GPR161: variants seen among roughly 807,000 people sequenced by gnomAD.
GPR161 encodes G-protein coupled receptor RE2.
Under a neutral mutation model 39.2 loss-of-function variants are expected in GPR161, and 25 were observed. The observed-to-expected ratio is 0.64, with a 90% CI of 0.47 to 0.89. GPR161 has a LOEUF of 0.89. Among genes scored for constraint, GPR161 ranks in the 40% least tolerant of loss-of-function variants. The pLI, the probability that GPR161 is intolerant of heterozygous loss-of-function variation, is 0.00. For missense variants in GPR161, 547 were observed against 677.8 expected (o/e 0.81, Z 2.14); for synonymous variants, 286 against 276.6 (o/e 1.03, Z -0.34).
rs1163651728 is a variant in GPR161 at position 168,082,906 on chromosome 1, C to T, written c.*2625G>A. On this transcript the variant is annotated 3_prime_UTR_variant, in exon 6 of 6. Transcript: ENST00000682931. ...TTCCTTCTCCCCCACACCCCCTTCT[C>T]TCTTTCTCTCTAGCTGAATAAAGGC... 6.6e-6 allele frequency: 1 copy of T among 152,310 alleles called. No individual in the cohort carries two copies. The highest frequency in any genetic ancestry group is 2.4e-5 in the African/African-American group (1 of 41,454). The allele number at this position is 152,310 out of a possible 1,614,324, so 9.4% of individuals were successfully genotyped here.
chr1:168,085,177 T>C lies in GPR161; in HGVS notation c.*354A>G, dbSNP rs575911565. 2 of 442,080 alleles carry C rather than the reference T, an allele frequency of 4.5e-6. No individual in the cohort carries two copies. Among genetic ancestry groups the C allele is most frequent in the South Asian group, 3.6e-5 (2 of 55,090 alleles). The allele number at this position is 442,080 out of a possible 1,614,324, so 27.4% of individuals were successfully genotyped here. ...ACTGTGAAGAGGAGGAAATGATGCA[T>C]GTGGGGGTCTCCTTCCAAGCCCTTC... On this transcript the variant is annotated 3_prime_UTR_variant, in exon 6 of 6. Transcript: ENST00000682931.
At chr1:168,125,698 A>G (rs1487570916) in intron 1 of GPR161, among the ~76,000 whole-genome samples, 1 of 150,852 alleles carries the variant, frequency 6.6e-6, no homozygotes, top group African/African-American at 2.4e-5. Context: ...GCTCACTGCA[A>G]TCTCCACCTC....
At chr1:168,123,723 A>G (rs1017637084) in intron 1 of GPR161, among the ~76,000 whole-genome samples, 1 of 152,204 alleles carries the variant, frequency 6.6e-6, no homozygotes, top group Non-Finnish European at 1.5e-5. Flanking sequence ...CTCAAAGTCA[A>G]TGCTTGAAGG....
chr1:168,110,475 G>C (rs2102193899), intron 1 of GPR161, among the ~76,000 whole-genome samples: 1 of 135,762 alleles, frequency 7.4e-6, no homozygotes, highest in Non-Finnish European at 1.5e-5. Context: ...CTCCAGCCTA[G>C]ACGACAGAGT....
chr1:168,126,782 A>G (rs1451006423), intron 1 of GPR161, among the ~76,000 whole-genome samples: 1 of 152,172 alleles, frequency 6.6e-6, no homozygotes, highest in Admixed American at 6.5e-5. Flanking sequence ...TTAGGTGAGG[A>G]TGTTTTCCCT....
At chr1:168,102,408 C>T (rs1175667735) in intron 2 of GPR161, among the ~76,000 whole-genome samples, 2 of 152,220 alleles carry the variant, frequency 1.3e-5, no homozygotes, top group Non-Finnish European at 2.9e-5. Context: ...GCCTCTGCCA[C>T]TCAACTGTAA....
intron 1 of GPR161, among the ~76,000 whole-genome samples, chr1:168,108,502 A>C (rs976098642): frequency 6.8e-6 from 1 of 147,728 alleles, no homozygotes; most frequent in East Asian, 1.9e-4. Context: ...AAAAAAAAAA[A>C]AAAAAAAAAA....
chr1:168,089,994 G>A (rs1284245521), intron 4 of GPR161, among the ~76,000 whole-genome samples: 1 of 152,230 alleles, frequency 6.6e-6, no homozygotes, highest in African/African-American at 2.4e-5. Context: ...AGGACATGGA[G>A]TGAGGAGACA....
chr1:168,106,505 C>T (rs1696643163), intron 1 of GPR161, among the ~76,000 whole-genome samples: 2 of 152,156 alleles, frequency 1.3e-5, no homozygotes, highest in African/African-American at 4.8e-5. Context: ...TGGGAGGACC[C>T]CTTGAGCCCA....
At chr1:168,135,436 T>C (rs1699285398) in intron 1 of GPR161, among the ~76,000 whole-genome samples, 1 of 152,198 alleles carries the variant, frequency 6.6e-6, no homozygotes, top group African/African-American at 2.4e-5. Flanking sequence ...AGAGGTGCTC[T>C]GAAAGAAGTA....
At chr1:168,133,807 C>T in intron 1 of GPR161, 1 of 387,292 alleles carries the variant, frequency 2.6e-6, no homozygotes, top group Non-Finnish European at 3.5e-6. Flanking sequence ...CAGGTTGGTC[C>T]TAAAGTGAGA....
intron 1 of GPR161, 39 bp downstream of exon 1, chr1:168,136,700 C>A: frequency 9.4e-7 from 1 of 1,061,498 alleles, no homozygotes; most frequent in Non-Finnish European, 1.1e-6. Context: ...CCGCCCTCTC[C>A]GCCCGGGCCC....
chr1:168,136,924 GC>G lies in GPR161; in HGVS notation c.-231del. 1.0e-6 allele frequency: 1 copy of G among 977,916 alleles called. No individual in the cohort carries two copies. Among genetic ancestry groups the G allele is most frequent in the African/African-American group, 1.8e-5 (1 of 55,746 alleles). The allele number at this position is 977,916 out of a possible 1,614,324, so 60.6% of individuals were successfully genotyped here. On this transcript the variant is annotated 5_prime_UTR_variant, in exon 1 of 6. Transcript: ENST00000682931. ...AGCACGCGGACCCGGGCGGGCGCAG[GC>G]CAAGTAACTTTGCGGCGCCCGCGCC...
At position 168,136,525 on chromosome 1, in the gene GPR161, A is replaced by C. The variant is rs1699388244; in HGVS notation, c.-45+214T>G. The C allele has an allele frequency of 1.7e-5, 21 of 1,219,266 alleles. No individual in the cohort carries two copies. The East Asian group carries it at 1.8e-4, about 11-fold the overall frequency. The allele number at this position is 1,219,266 out of a possible 1,614,324, so 75.5% of individuals were successfully genotyped here. On this transcript the variant is annotated intron_variant, in intron 1 of 5. Transcript: ENST00000682931. ...GGCGCGCCCCCAACATCTTCCCACA[A>C]AGAGCTCCAGCTCTCCAAAGCAAGG...
At chr1:168,118,898 T>C (rs1371275061) in intron 1 of GPR161, among the ~76,000 whole-genome samples, 1 of 151,632 alleles carries the variant, frequency 6.6e-6, no homozygotes, top group Non-Finnish European at 1.5e-5. Context: ...CACTGAGATA[T>C]CCAGGATGGC....
chr1:168,086,749 CTCTGTTCTATAA>C (rs1694540640), intron 5 of GPR161, among the ~76,000 whole-genome samples: 1 of 152,332 alleles, frequency 6.6e-6, no homozygotes, highest in South Asian at 2.1e-4. Context: ...CTGGCCCAAG[CTCTGTTCTATAA>C]TCTGCTTTGC....
intron 1 of GPR161, chr1:168,136,210 C>T: frequency 3.1e-6 from 4 of 1,282,412 alleles, no homozygotes; most frequent in Middle Eastern, 4.2e-4. Flanking sequence ...CCCGCCCAGG[C>T]TCGGGGAGAC....
At chr1:168,106,946 C>T (rs932570650) in intron 1 of GPR161, among the ~76,000 whole-genome samples, 2 of 151,984 alleles carry the variant, frequency 1.3e-5, no homozygotes, top group Non-Finnish European at 2.9e-5. Flanking sequence ...GGTTTGTTGA[C>T]TCTAATAAGT....
At chr1:168,125,548 G>A (rs936957142) in intron 1 of GPR161, among the ~76,000 whole-genome samples, 9 of 151,984 alleles carry the variant, frequency 5.9e-5, no homozygotes, top group Admixed American at 1.3e-4. Flanking sequence ...TGAAGAGACC[G>A]TAGGTGTCAG....
Sources: allele counts gnomAD v4.1 joint callset (sites outside exome capture counted in the v4.1 genomes callset), GRCh38; gene constraint gnomAD v4.1.1; transcripts MANE v1.5; gene names NCBI Gene and HGNC (gene_info 2026-07-23, HGNC 2026-07-21).